Variants in HS6ST3 observed in about 807,000 individuals in gnomAD.
The protein encoded by HS6ST3 is heparan-sulfate 6-O-sulfotransferase 3.
HS6ST3 carries 12 observed loss-of-function variants against 36.7 expected under a neutral mutation model. The observed-to-expected ratio is 0.33, with a 90% CI of 0.21 to 0.53. The LOEUF (loss-of-function observed/expected upper bound fraction) is 0.53, where lower values mean the gene tolerates loss of function less well. Among genes scored for constraint, HS6ST3 ranks in the 20% least tolerant of loss-of-function variants. The probability of loss-of-function intolerance (pLI) is 0.95; values close to 1 mark genes in which losing one functional copy is unlikely to be tolerated. For synonymous variants in HS6ST3, 240 were observed against 257.5 expected (o/e 0.93, Z 0.65); for missense variants, 584 against 640.9 (o/e 0.91, Z 0.96).
At chr13:96,234,554 G>A (rs967027909) in intron 1 of HS6ST3, among the ~76,000 whole-genome samples, 3 of 152,142 alleles carry the variant, frequency 2.0e-5, no homozygotes, top group African/African-American at 7.2e-5. Context: ...GGAAGGCAAA[G>A]GAGGAGCAAA....
At chr13:96,271,338 T>C (rs2054718996) in intron 1 of HS6ST3, among the ~76,000 whole-genome samples, 1 of 151,962 alleles carries the variant, frequency 6.6e-6, no homozygotes, top group Non-Finnish European at 1.5e-5. Flanking sequence ...ATAATTAATT[T>C]AAAATTTATA....
chr13:96,596,918 A>G (rs547685741), intron 1 of HS6ST3, among the ~76,000 whole-genome samples: 10 of 152,320 alleles, frequency 6.6e-5, no homozygotes, highest in African/African-American at 1.4e-4. Flanking sequence ...AATAGCAAAG[A>G]CATAGATTCA....
At chr13:96,619,812 A>C (rs1275276647) in intron 1 of HS6ST3, among the ~76,000 whole-genome samples, 1 of 152,220 alleles carries the variant, frequency 6.6e-6, no homozygotes, top group Non-Finnish European at 1.5e-5. Context: ...GTAATGGCAC[A>C]TGCACCCTTA....
chr13:96,734,767 C>T (rs897341628), intron 1 of HS6ST3, among the ~76,000 whole-genome samples: 8 of 152,190 alleles, frequency 5.3e-5, no homozygotes, highest in East Asian at 1.9e-4. Context: ...GCAGCATTAA[C>T]GCAGAGTGAT....
At chr13:96,485,541 C>A (rs772489074) in intron 1 of HS6ST3, among the ~76,000 whole-genome samples, 1 of 152,114 alleles carries the variant, frequency 6.6e-6, no homozygotes, top group African/African-American at 2.4e-5. Context: ...AATTTTATTT[C>A]TTCCTTCCTA....
At chr13:96,778,936 T>C (rs1457960895) in intron 1 of HS6ST3, among the ~76,000 whole-genome samples, 1 of 152,092 alleles carries the variant, frequency 6.6e-6, no homozygotes, top group East Asian at 1.9e-4. Context: ...CCATCAATGA[T>C]AGACTGGATA....
chr13:96,532,530 T>C (rs1200508767), intron 1 of HS6ST3, among the ~76,000 whole-genome samples: 1 of 152,162 alleles, frequency 6.6e-6, no homozygotes, highest in Non-Finnish European at 1.5e-5. Flanking sequence ...GCCCAAGATA[T>C]TCTAAGCAGG....
intron 1 of HS6ST3, among the ~76,000 whole-genome samples, chr13:96,607,898 C>A (rs1449507383): frequency 6.6e-6 from 1 of 152,092 alleles, no homozygotes; most frequent in African/African-American, 2.4e-5. Flanking sequence ...TTTTTAAATG[C>A]GTACTTCCCA....
intron 1 of HS6ST3, among the ~76,000 whole-genome samples, chr13:96,772,737 T>G (rs939400131): frequency 2.0e-5 from 3 of 152,248 alleles, no homozygotes; most frequent in Admixed American, 6.5e-5. Context: ...AGAACATTTC[T>G]GCAAGTTATT....
rs71292889 is a variant in HS6ST3, at chr13:96,583,204, CTTTTTT to C, written c.708-249264_708-249259del. On this transcript the variant is annotated intron_variant, in intron 1 of 1. Transcript: ENST00000376705. ...AATGGCTTCAATTTCTTTTTCTTTTCTTTTTTTTTTTTTTTTTTTTTTTTTTTGAGA... is the reference window on the plus strand; with the variant it reads ...AATGGCTTCAATTTCTTTTTCTTTTCTTTTTTTTTTTTTTTTTTTTTGAGA... Among the ~76,000 whole-genome samples, 28 of 52,926 alleles carry C rather than the reference CTTTTTT, an allele frequency of 5.3e-4. No individual in the cohort carries two copies. The East Asian group carries it at 0.013, about 25-fold the overall frequency. 34.7% of individuals were successfully genotyped at this position (52,926 alleles called of 152,430 possible).
chr13:96,185,581 T>C (rs1322362262), intron 1 of HS6ST3, among the ~76,000 whole-genome samples: 2 of 152,220 alleles, frequency 1.3e-5, no homozygotes, highest in East Asian at 1.9e-4. Flanking sequence ...CACACTCTTA[T>C]CATTGTGGTT....
At chr13:96,546,930 A>T (rs1230803907) in intron 1 of HS6ST3, among the ~76,000 whole-genome samples, 1 of 152,166 alleles carries the variant, frequency 6.6e-6, no homozygotes, top group Non-Finnish European at 1.5e-5. Context: ...GTAGCTATGC[A>T]CCTCTTGTAT....
At chr13:96,140,501 T>C (rs1357519400) in intron 1 of HS6ST3, among the ~76,000 whole-genome samples, 2 of 152,328 alleles carry the variant, frequency 1.3e-5, no homozygotes, top group East Asian at 3.9e-4. Context: ...CCCAATGTAA[T>C]GGCACTAGTG....
chr13:96,479,057 A>C (rs932839742), intron 1 of HS6ST3, among the ~76,000 whole-genome samples: 2 of 152,300 alleles, frequency 1.3e-5, no homozygotes, highest in Middle Eastern at 3.4e-3. Flanking sequence ...ACCACTAGAA[A>C]ATAGTGTCTG....
intron 1 of HS6ST3, among the ~76,000 whole-genome samples, chr13:96,658,656 G>A (rs1455152503): frequency 1.3e-5 from 2 of 150,766 alleles, no homozygotes; most frequent in African/African-American, 2.4e-5. Flanking sequence ...TGTTATGAAT[G>A]TTTTTGTATG....
intron 1 of HS6ST3, among the ~76,000 whole-genome samples, chr13:96,489,579 A>G (rs1035629612): frequency 4.6e-5 from 7 of 152,082 alleles, no homozygotes; most frequent in African/African-American, 1.7e-4. Flanking sequence ...AATTATTTTA[A>G]TAGCACTGCT....
intron 1 of HS6ST3, among the ~76,000 whole-genome samples, chr13:96,651,660 C>A (rs2056608104): frequency 6.6e-6 from 1 of 152,132 alleles, no homozygotes; most frequent in Admixed American, 6.6e-5. Context: ...TCCTTCCCAC[C>A]TTGGACCAGA....
chr13:96,821,289 G>A (rs1878529540), intron 1 of HS6ST3, among the ~76,000 whole-genome samples: 1 of 152,184 alleles, frequency 6.6e-6, no homozygotes, highest in South Asian at 2.1e-4. Flanking sequence ...ATCTCCTGCT[G>A]TCTCCCTGCA....
intron 1 of HS6ST3, among the ~76,000 whole-genome samples, chr13:96,710,077 A>G (rs1053232079): frequency 6.6e-6 from 1 of 152,232 alleles, no homozygotes; most frequent in African/African-American, 2.4e-5. Context: ...TAGGTAAGGT[A>G]GATGAAAAAC....
Sources: gnomAD v4.1 joint callset for allele counts (sites outside exome capture counted in the v4.1 genomes callset) on GRCh38, gnomAD v4.1.1 for gene constraint, MANE v1.5 for transcripts, NCBI Gene and HGNC (gene_info 2026-07-23, HGNC 2026-07-21) for gene names.